IGSF11: variants seen among roughly 807,000 people sequenced by gnomAD.
The protein encoded by IGSF11 is CXADR like 1.
In IGSF11, 22 loss-of-function variants were observed where a neutral mutation model predicts 41.0. The ratio of observed to expected loss-of-function variants is 0.54; its 90% confidence interval spans 0.38 to 0.77. The LOEUF is 0.77. Ranked by LOEUF, IGSF11 falls within the 30% of genes least tolerant of loss-of-function variation. The pLI is 0.00. For synonymous variants in IGSF11, 219 were observed against 201.3 expected (o/e 1.09, Z -0.74); for missense variants, 444 against 530.8 (o/e 0.84, Z 1.61).
intron 1 of IGSF11, among the ~76,000 whole-genome samples, chr3:119,076,217 G>C (rs1490373465): frequency 6.6e-6 from 1 of 152,170 alleles, no homozygotes; most frequent in Non-Finnish European, 1.5e-5. Context: ...TATGTAGAAA[G>C]CTGAAACTGG....
At chr3:118,916,110 T>C (rs1173523920) in intron 4 of IGSF11, among the ~76,000 whole-genome samples, 1 of 149,712 alleles carries the variant, frequency 6.7e-6, no homozygotes, top group African/African-American at 2.5e-5. Context: ...AAGGAAGCGC[T>C]AAACATGGAA....
At chr3:118,935,668 G>A (rs1165010145) in intron 1 of IGSF11, among the ~76,000 whole-genome samples, 1 of 151,886 alleles carries the variant, frequency 6.6e-6, no homozygotes, top group Non-Finnish European at 1.5e-5. Context: ...TTCCCACCTT[G>A]GAGGTGAACA....
intron 1 of IGSF11, among the ~76,000 whole-genome samples, chr3:119,073,959 C>G (rs1255538802): frequency 6.6e-6 from 1 of 152,210 alleles, no homozygotes; most frequent in East Asian, 1.9e-4. Context: ...ACGCTGTCAC[C>G]TCTCAAGGTC....
At chr3:119,143,054 G>A (rs1305358808) in intron 1 of IGSF11, among the ~76,000 whole-genome samples, 2 of 152,052 alleles carry the variant, frequency 1.3e-5, no homozygotes, top group Admixed American at 1.3e-4. Flanking sequence ...CAAATCCTAA[G>A]TTCATCTATA....
chr3:119,118,612 A>T lies in IGSF11; in HGVS notation c.-13-13407T>A, dbSNP rs142261792. On this transcript the variant is annotated intron_variant, in intron 1 of 7. Coordinates refer to the IGSF11 transcript ENST00000425327. ...AGACACTTTCCCCATTGTCTTAATG[A>T]TTAACATTCAGCTCCTCATTACTTA... Among the ~76,000 whole-genome samples, 569 of 152,350 alleles carry T rather than the reference A, an allele frequency of 3.7e-3. 10 individuals carry two copies. The highest frequency in any genetic ancestry group is 0.013 in the African/African-American group (542 of 41,576).
chr3:119,069,794 T>C (rs1432316494), intron 1 of IGSF11, among the ~76,000 whole-genome samples: 1 of 152,068 alleles, frequency 6.6e-6, no homozygotes, highest in African/African-American at 2.4e-5. Flanking sequence ...CAGGAGAAAA[T>C]TTTTTACTTC....
intron 1 of IGSF11, among the ~76,000 whole-genome samples, chr3:118,988,846 G>C (rs1935510021): frequency 6.6e-6 from 1 of 152,164 alleles, no homozygotes; most frequent in South Asian, 2.1e-4. Flanking sequence ...CCTGAACTGT[G>C]AGGTTTCTCA....
intron 1 of IGSF11, among the ~76,000 whole-genome samples, chr3:118,930,785 A>G (rs540401260): frequency 6.6e-6 from 1 of 152,340 alleles, no homozygotes; most frequent in South Asian, 2.1e-4. Flanking sequence ...TGGGAGAGTC[A>G]ATCTTAAGAT....
intron 1 of IGSF11, among the ~76,000 whole-genome samples, chr3:119,004,441 G>C (rs1222707683): frequency 6.6e-6 from 1 of 151,528 alleles, no homozygotes; most frequent in Non-Finnish European, 1.5e-5. Context: ...TTTTTGAAGG[G>C]TTTTGTGTGT....
At chr3:119,101,369 C>T (rs749597688) in intron 1 of IGSF11, among the ~76,000 whole-genome samples, 1 of 151,906 alleles carries the variant, frequency 6.6e-6, no homozygotes, top group Admixed American at 6.6e-5. Context: ...ATTAGCCAAG[C>T]GTGGTGGCGC....
chr3:119,073,026 C>T (rs942154097), intron 1 of IGSF11, among the ~76,000 whole-genome samples: 1 of 152,084 alleles, frequency 6.6e-6, no homozygotes, highest in African/African-American at 2.4e-5. Context: ...CTGATTGGTG[C>T]ATTTACAAAC....
At chr3:118,974,473 G>C (rs192318602) in intron 1 of IGSF11, among the ~76,000 whole-genome samples, 155 of 152,346 alleles carry the variant, frequency 1.0e-3, no homozygotes, top group African/African-American at 3.6e-3. Flanking sequence ...AGAACAGTCA[G>C]ATGTTACGAG....
chr3:119,000,837 G>C (rs1936749007), intron 1 of IGSF11, among the ~76,000 whole-genome samples: 1 of 152,094 alleles, frequency 6.6e-6, no homozygotes, highest in Non-Finnish European at 1.5e-5. Context: ...ATTAGCCAGA[G>C]TGCCTCTGTT....
chr3:118,993,864 G>A (rs1325872062), intron 1 of IGSF11, among the ~76,000 whole-genome samples: 4 of 152,112 alleles, frequency 2.6e-5, no homozygotes, highest in African/African-American at 9.7e-5. Context: ...AGGGTGCAAG[G>A]GTGTGGGAAG....
intron 1 of IGSF11, among the ~76,000 whole-genome samples, chr3:119,127,740 A>C (rs1298685128): frequency 6.6e-6 from 1 of 152,224 alleles, no homozygotes; most frequent in East Asian, 1.9e-4. Context: ...AGAGATTGGG[A>C]GCCAATATTT....
intron 1 of IGSF11, among the ~76,000 whole-genome samples, chr3:119,060,532 A>G (rs1942020904): frequency 6.6e-6 from 1 of 152,176 alleles, no homozygotes; most frequent in Non-Finnish European, 1.5e-5. Context: ...TAACTATACT[A>G]TACACTTTAA....
intron 1 of IGSF11, among the ~76,000 whole-genome samples, chr3:119,046,511 T>C (rs866346555): frequency 5.3e-5 from 8 of 151,826 alleles, no homozygotes; most frequent in Admixed American, 1.3e-4. Context: ...ACCAAATCTA[T>C]GTCTGATTGG....
intron 1 of IGSF11, among the ~76,000 whole-genome samples, chr3:119,097,480 C>A (rs2076872418): frequency 6.6e-6 from 1 of 150,676 alleles, no homozygotes; most frequent in Non-Finnish European, 1.5e-5. Flanking sequence ...TCCAGGGAAT[C>A]TACCCCAGCA....
At chr3:119,077,033 G>A (rs1049711457) in intron 1 of IGSF11, among the ~76,000 whole-genome samples, 4 of 152,196 alleles carry the variant, frequency 2.6e-5, no homozygotes, top group Non-Finnish European at 5.9e-5. Flanking sequence ...TGTCCACAAT[G>A]ATAGACTGGA....
Sources: allele counts gnomAD v4.1 joint callset (sites outside exome capture counted in the v4.1 genomes callset), GRCh38; gene constraint gnomAD v4.1.1; transcripts MANE v1.5; gene names NCBI Gene and HGNC (gene_info 2026-07-23, HGNC 2026-07-21).